Variants in ST6GALNAC1 observed in about 807,000 individuals in gnomAD.
ST6GALNAC1 encodes ST6 N-acetylgalactosaminide alpha-2,6-sialyltransferase 1.
A neutral mutation model predicts 56.8 loss-of-function variants in ST6GALNAC1; 45 were observed. The observed-to-expected ratio is 0.79, with a 90% CI of 0.62 to 1.02. The LOEUF is 1.02. ST6GALNAC1 is among the 50% of genes least tolerant of loss of function. The pLI, the probability that ST6GALNAC1 is intolerant of heterozygous loss-of-function variation, is 0.00. For missense variants in ST6GALNAC1, 743 were observed against 754.8 expected, an observed-to-expected ratio of 0.98 and a Z score of 0.18; for synonymous variants, 295 against 297.8, an observed-to-expected ratio of 0.99 and a Z score of 0.10.
In ST6GALNAC1 at chr17:76,627,256, G is replaced by A. The variant is rs751168463; in HGVS notation, c.1001-18C>T. 2 of 1,553,318 alleles carry A rather than the reference G, an allele frequency of 1.3e-6. No individual in the cohort carries two copies. Among genetic ancestry groups the A allele is most frequent in the Admixed American group, 3.8e-5 (2 of 52,820 alleles). On this transcript the variant is annotated intron_variant, in intron 3 of 8. Transcript: ENST00000156626. This position sits in a 1 kb window ranked among gnomAD's most constrained non-coding sequence, Gnocchi z 4.4. ...CTGCACCACTGGAACAAGAGTGGGGGTGCTCCATTCAGAGCCCTGGGAGGG... is the reference window on the plus strand; with the variant it reads ...CTGCACCACTGGAACAAGAGTGGGGATGCTCCATTCAGAGCCCTGGGAGGG...
In ST6GALNAC1 at chr17:76,627,518, G is replaced by A. The variant is rs2075821388; in HGVS notation, c.897C>T (p.Pro299=). ...TGGAGTCCAGGAAGAGAGTGAGGTT[G>A]GGCAGAAAGAGTTTCTGGAGCCACA... is the stretch of plus-strand genomic sequence containing the variant. ...KSLWLQKLFL[P]NLTLFLDSRH... Residue 299 remains proline (P), a synonymous_variant, in exon 3 of 9, where the codon CCC becomes CCT. Transcript: ENST00000156626. This position sits in a 1 kb window ranked among gnomAD's most constrained non-coding sequence, Gnocchi z 4.4. 1 of 1,614,052 alleles carries A rather than the reference G, an allele frequency of 6.2e-7. No homozygotes were observed. The highest frequency in any genetic ancestry group is 1.3e-5 in the African/African-American group (1 of 74,914).
At chr17:76,632,725 C>G (rs183860979) in intron 1 of ST6GALNAC1, among the ~76,000 whole-genome samples, 1 of 152,104 alleles carries the variant, frequency 6.6e-6, no homozygotes, top group Middle Eastern at 3.2e-3. Context: ...ATATTCAACG[C>G]GTTCGGCCCT....
rs544007149 is a variant in ST6GALNAC1, at chr17:76,627,954, G to C, written c.832-371C>G. On this transcript the variant is annotated intron_variant, in intron 2 of 8. Coordinates refer to ENST00000156626, the MANE Select transcript of ST6GALNAC1 (RefSeq NM_018414.5). The surrounding 1 kb of genome is among the most constrained non-coding windows in gnomAD (Gnocchi z 4.4). ...CTACTAAAAATACAAAAAATTAGCCGGGCGTGGTGGCGGGCGCCTGTAGTT... is the reference window on the plus strand; with the variant it reads ...CTACTAAAAATACAAAAAATTAGCCCGGCGTGGTGGCGGGCGCCTGTAGTT... 6.6e-6 allele frequency among the ~76,000 whole-genome samples: 1 copy of C among 152,032 alleles called. No homozygotes were observed. The highest frequency in any genetic ancestry group is 1.9e-4 in the East Asian group (1 of 5,174).
rs1195018531 is a variant in ST6GALNAC1 at position 76,625,543 on chromosome 17, A to T, written c.1606-16T>A. The T allele has an allele frequency of 6.2e-6, 10 of 1,612,638 alleles. No homozygotes were observed. The highest frequency in any genetic ancestry group is 7.6e-6 in the Non-Finnish European group (9 of 1,179,796). On this transcript the variant is annotated splice_polypyrimidine_tract_variant and intron_variant, in intron 8 of 8. Transcript: ENST00000156626. ...AAGCACTCACCTACATCACGGTTGG[A>T]GGAGAAACACGGCCTGTAGTTGCTG...
rs116924408 is a variant in ST6GALNAC1 at position 76,626,565 on chromosome 17, G to T, written c.1311+86C>A. ...CTGTACCAACCACAGACTCCATCCG[G>T]ATGAAAGCCTCTCCTCTCCCTTCTC... On this transcript the variant is annotated intron_variant, in intron 5 of 8. Transcript: ENST00000156626. 8,208 of 1,585,698 alleles carry T rather than the reference G, an allele frequency of 5.2e-3. 24 individuals are homozygous for T. Among genetic ancestry groups the T allele is most frequent in the Non-Finnish European group, 5.7e-3 (6,601 of 1,161,018 alleles).
chr17:76,643,458 G>T, intron 1 of ST6GALNAC1, 50 bp downstream of exon 1: 2 of 1,600,738 alleles, frequency 1.2e-6, no homozygotes, highest in Admixed American at 3.4e-5. Context: ...TCATTTTTCT[G>T]TTTCCTCAAA....
chr17:76,629,630 C>T lies in ST6GALNAC1; in HGVS notation c.213G>A (p.Arg71=), dbSNP rs144002911. Residue 71 remains arginine (R), a synonymous_variant, in exon 2 of 9, where the codon AGG becomes AGA. Coordinates refer to ENST00000156626, the MANE Select transcript of ST6GALNAC1 (RefSeq NM_018414.5). Reference sequence around the variant, plus strand: ...CTGGCTCTGCATAGATGGTTGTCCTCCTTGCCCTTGTGGGTGCCTGGGACT... The same window carrying T: ...CTGGCTCTGCATAGATGGTTGTCCTTCTTGCCCTTGTGGGTGCCTGGGACT... ...KPKSQAPTRA[R]RTTIYAEPVP... is the part of the protein sequence containing the mutation. 640 of 1,613,722 alleles carry T rather than the reference C, an allele frequency of 4.0e-4. 3 individuals are homozygous for T. The African/African-American group carries it at 7.2e-3, about 18-fold the overall frequency.
chr17:76,626,690 T>C lies in ST6GALNAC1; in HGVS notation c.1272A>G (p.Ile424Met), dbSNP rs754128433. Residue 424 changes from isoleucine to methionine, a missense_variant, in exon 5 of 9, where the codon ATA (isoleucine) becomes ATG (methionine). Transcript: ENST00000156626. ...TAFSLTQSLL[I>M]LGNRGFKNVP... ...CGTTCTTGAAACCCCGATTGCCCAA[T>C]ATAAGGAGTGACTGGGTCAGGGAGA... 7.4e-6 allele frequency: 12 copies of C among 1,614,066 alleles called. No individual in the cohort carries two copies. The highest frequency in any genetic ancestry group is 1.3e-5 in the African/African-American group (1 of 75,024).
chr17:76,639,436 C>T (rs1313171388), intron 1 of ST6GALNAC1, among the ~76,000 whole-genome samples: 3 of 151,900 alleles, frequency 2.0e-5, no homozygotes, highest in Non-Finnish European at 2.9e-5. Context: ...ATTAGCCGAG[C>T]GTGGTGGCGT....
chr17:76,642,330 G>A (rs981670891), intron 1 of ST6GALNAC1, among the ~76,000 whole-genome samples: 17 of 152,050 alleles, frequency 1.1e-4, no homozygotes, highest in African/African-American at 3.9e-4. Context: ...TGGCCCTGCC[G>A]CATACTAGCA....
In ST6GALNAC1 at chr17:76,627,154, C is replaced by T. The variant is rs1340806986; in HGVS notation, c.1085G>A (p.Cys362Tyr). Residue 362 changes from cysteine to tyrosine, a missense_variant, in exon 4 of 9, where the codon TGC becomes TAC. Transcript: ENST00000156626. The surrounding 1 kb of genome is among the most constrained non-coding windows in gnomAD (Gnocchi z 4.4). ...LASLPAGSLR[C>Y]ITCAVVGNGG... ...GTTGCCCACCACGGCACAGGTGATGCACCGGAGGCTCCCAGCGGGGAGGCT... is the reference window on the plus strand; with the variant it reads ...GTTGCCCACCACGGCACAGGTGATGTACCGGAGGCTCCCAGCGGGGAGGCT... 3.1e-6 allele frequency: 5 copies of T among 1,605,566 alleles called. No individual in the cohort carries two copies. The East Asian group carries it at 8.9e-5, about 29-fold the overall frequency.
intron 1 of ST6GALNAC1, among the ~76,000 whole-genome samples, chr17:76,640,777 T>C (rs2076039155): frequency 6.6e-6 from 1 of 152,238 alleles, no homozygotes; most frequent in African/African-American, 2.4e-5. Flanking sequence ...TGGACACATG[T>C]TATTGATGTA....
intron 1 of ST6GALNAC1, among the ~76,000 whole-genome samples, chr17:76,633,026 C>G (rs1482094864): frequency 6.7e-6 from 1 of 148,918 alleles, no homozygotes; most frequent in African/African-American, 2.5e-5. Context: ...GCCAACATGG[C>G]AAAACCCCGT....
chr17:76,635,781 G>T (rs1325465192), intron 1 of ST6GALNAC1, among the ~76,000 whole-genome samples: 1 of 152,174 alleles, frequency 6.6e-6, no homozygotes, highest in African/African-American at 2.4e-5. Flanking sequence ...AGAGGTATCT[G>T]CTAGAGATTA....
chr17:76,626,233 C>T, intron 6 of ST6GALNAC1, 56 bp downstream of exon 6: 1 of 1,584,480 alleles, frequency 6.3e-7, no homozygotes, highest in Non-Finnish European at 8.7e-7. Context: ...CCCTTTAGAG[C>T]CACTCATGAC....
chr17:76,625,790 G>A (rs766365379), intron 8 of ST6GALNAC1, 29 bp downstream of exon 8: 11 of 1,489,150 alleles, frequency 7.4e-6, no homozygotes, highest in African/African-American at 1.4e-5. Flanking sequence ...GTTTCTCCAG[G>A]TATTTCTGCA....
chr17:76,621,018 C>T (rs2075734151), downstream of ST6GALNAC1, among the ~76,000 whole-genome samples: 1 of 152,098 alleles, frequency 6.6e-6, no homozygotes, highest in Non-Finnish European at 1.5e-5. Context: ...CAACCTAAAG[C>T]TGAGAGAATA....
chr17:76,626,721 G>A lies in ST6GALNAC1; in HGVS notation c.1241C>T (p.Thr414Ile). 1 of 1,614,220 alleles carries A rather than the reference G, an allele frequency of 6.2e-7. No individual in the cohort carries two copies. The highest frequency in any genetic ancestry group is 8.5e-7 in the Non-Finnish European group (1 of 1,180,042). The change falls in exon 5 of 9, where the codon ACC (threonine) becomes ATC (isoleucine). Residue 414 changes from threonine (T) to isoleucine (I), a missense_variant. Physicochemically the swap from Thr to Ile is moderately conservative, Grantham distance 89. Coordinates refer to ENST00000156626, the MANE Select transcript of ST6GALNAC1 (RefSeq NM_018414.5). Reference protein sequence around the residue: ...VGTRTSFYGFTAFSLTQSLLI... With the variant: ...VGTRTSFYGFIAFSLTQSLLI... The stretch of plus-strand genomic sequence containing the variant: ...GAGTGACTGGGTCAGGGAGAAGGCG[G>A]TAAAGCCGTAGAAGGATGTCCGAGT...
intron 1 of ST6GALNAC1, among the ~76,000 whole-genome samples, chr17:76,642,292 T>C (rs577820320): frequency 6.6e-6 from 1 of 151,486 alleles, no homozygotes; most frequent in Non-Finnish European, 1.5e-5. Flanking sequence ...GCACAGGGTA[T>C]GGCACCAAAA....
Sources: gnomAD v4.1 joint callset for allele counts (sites outside exome capture counted in the v4.1 genomes callset) on GRCh38, gnomAD v4.1.1 for gene constraint, Gnocchi (gnomAD v3.1) non-coding constraint, MANE v1.5 for transcripts, NCBI Gene and HGNC (gene_info 2026-07-23, HGNC 2026-07-21) for gene names.